The following NRXN1 variants were observed in gnomAD, a reference collection of about 807,000 sequenced individuals.
NRXN1 encodes the protein neurexin-1.
A neutral mutation model predicts 150.9 loss-of-function variants in NRXN1; 39 were observed. The ratio of observed to expected loss-of-function variants is 0.26; its 90% CI spans 0.20 to 0.34. NRXN1 has a LOEUF of 0.34. NRXN1 is among the 10% of genes least tolerant of loss of function. The probability of loss-of-function intolerance (pLI) is 1.00; values close to 1 mark genes in which losing one functional copy is unlikely to be tolerated. For missense variants in NRXN1, 1,815 were observed against 1,949.9 expected, an observed-to-expected ratio of 0.93 and a Z score of 1.30; for synonymous variants, 924 against 757.0, an observed-to-expected ratio of 1.22 and a Z score of -3.62.
chr2:50,221,710 G>C (rs1057051248), intron 18 of NRXN1, among the ~76,000 whole-genome samples: 1 of 151,826 alleles, frequency 6.6e-6, no homozygotes. Flanking sequence ...ACTCAACTAG[G>C]TACATCTTTT....
At chr2:50,748,373 G>T (rs948248097) in intron 5 of NRXN1, among the ~76,000 whole-genome samples, 1 of 152,184 alleles carries the variant, frequency 6.6e-6, no homozygotes, top group African/African-American at 2.4e-5. Flanking sequence ...ATAAAATGTC[G>T]ATTTGATTTT....
At position 51,012,572 on chromosome 2, in the gene NRXN1, C is replaced by T. The variant is rs563441634; in HGVS notation, c.772+14930G>A. On this transcript the variant is annotated intron_variant, in intron 2 of 22. Coordinates refer to ENST00000401669, the MANE Select transcript of NRXN1 (RefSeq NM_001330078.2). Reference sequence around the variant, plus strand: ...TATTTGGATGCCTGAATTGTTTAGACTTGTATTTAGGTTTCAAGCCCTTTA... The same window carrying T: ...TATTTGGATGCCTGAATTGTTTAGATTTGTATTTAGGTTTCAAGCCCTTTA... Among the ~76,000 whole-genome samples the T allele has an allele frequency of 5.1e-4, 77 of 152,102 alleles. No homozygotes were observed. The South Asian group carries it at 0.015, about 29-fold the overall frequency.
At chr2:50,355,593 T>C (rs2078741213) in intron 17 of NRXN1, among the ~76,000 whole-genome samples, 1 of 152,186 alleles carries the variant, frequency 6.6e-6, no homozygotes, top group Non-Finnish European at 1.5e-5. Context: ...TATCCCATGC[T>C]ATTCTCTCTG....
At chr2:50,030,151 T>C (rs1049773076) in intron 21 of NRXN1, among the ~76,000 whole-genome samples, 4 of 152,154 alleles carry the variant, frequency 2.6e-5, no homozygotes, top group African/African-American at 9.6e-5. Flanking sequence ...AATATTTATC[T>C]CAGCTTGACT....
chr2:50,703,725 G>A lies in NRXN1; in HGVS notation c.833-80110C>T, dbSNP rs1208148103. ...GAGGAACGGTTAACTATGAATTGATGTTTATTGTATGTTAGAATTTGAGCT... is the reference window on the plus strand; with the variant it reads ...GAGGAACGGTTAACTATGAATTGATATTTATTGTATGTTAGAATTTGAGCT... On this transcript the variant is annotated intron_variant, in intron 5 of 22. Transcript: ENST00000401669. 3.3e-5 allele frequency among the ~76,000 whole-genome samples: 5 copies of A among 152,220 alleles called. No homozygotes were observed. The East Asian group carries it at 5.8e-4, about 18-fold the overall frequency.
At chr2:50,593,021 C>A (rs1387868118) in intron 8 of NRXN1, among the ~76,000 whole-genome samples, 4 of 152,190 alleles carry the variant, frequency 2.6e-5, no homozygotes, top group Non-Finnish European at 5.9e-5. Flanking sequence ...CTGGCATAGG[C>A]CAAATGAACC....
intron 5 of NRXN1, among the ~76,000 whole-genome samples, chr2:50,640,189 C>T (rs1337175042): frequency 6.6e-6 from 1 of 152,058 alleles, no homozygotes; most frequent in Non-Finnish European, 1.5e-5. Flanking sequence ...TTAATTATCA[C>T]CATAAGACTT....
At chr2:50,579,279 C>T (rs778622227) in intron 8 of NRXN1, among the ~76,000 whole-genome samples, 6 of 152,102 alleles carry the variant, frequency 3.9e-5, no homozygotes, top group Non-Finnish European at 7.4e-5. Flanking sequence ...ACATTTTGTA[C>T]TTTTATTCTA....
At chr2:50,371,048 A>C (rs528625295) in intron 17 of NRXN1, among the ~76,000 whole-genome samples, 72 of 152,124 alleles carry the variant, frequency 4.7e-4, no homozygotes, top group African/African-American at 1.7e-3. Context: ...ATGCACATGC[A>C]TGATTGTATA....
intron 22 of NRXN1, among the ~76,000 whole-genome samples, chr2:49,940,369 C>G (rs1374078342): frequency 6.6e-6 from 1 of 152,138 alleles, no homozygotes; most frequent in Non-Finnish European, 1.5e-5. Flanking sequence ...GTATTTCTAA[C>G]ATCTAATAGC....
chr2:50,370,327 T>C (rs2079924902), intron 17 of NRXN1, among the ~76,000 whole-genome samples: 1 of 151,998 alleles, frequency 6.6e-6, no homozygotes, highest in Non-Finnish European at 1.5e-5. Context: ...TACATCACCC[T>C]GGACTTAGTG....
intron 5 of NRXN1, among the ~76,000 whole-genome samples, chr2:50,850,036 C>A (rs1446004875): frequency 6.6e-6 from 1 of 151,830 alleles, no homozygotes; most frequent in African/African-American, 2.4e-5. Context: ...TGAGACCTCA[C>A]TTCTACAAAA....
intron 17 of NRXN1, among the ~76,000 whole-genome samples, chr2:50,409,902 G>A (rs931583865): frequency 3.3e-5 from 5 of 151,988 alleles, no homozygotes; most frequent in Admixed American, 1.3e-4. Flanking sequence ...AATAATCATC[G>A]TTCCTTCATT....
chr2:50,498,861 G>A (rs1278935783), intron 13 of NRXN1, among the ~76,000 whole-genome samples: 1 of 152,128 alleles, frequency 6.6e-6, no homozygotes, highest in Non-Finnish European at 1.5e-5. Flanking sequence ...TCTTCCACGT[G>A]CTAGCTTCCC....
rs190283582 is a variant in NRXN1, at chr2:50,688,074, G to T, written c.833-64459C>A. On this transcript the variant is annotated intron_variant, in intron 5 of 22. Transcript: ENST00000401669. ...CCTTCTCCTTTATAGTAGAATGTTG[G>T]CTAGGTGAGATAGAGGTAATCTGGG... is the stretch of plus-strand genomic sequence containing the variant. Among the ~76,000 whole-genome samples, 16 of 152,272 alleles carry T rather than the reference G, an allele frequency of 1.1e-4. No individual in the cohort carries two copies. The East Asian group carries it at 2.9e-3, about 28-fold the overall frequency.
At chr2:50,328,879 G>A (rs1321497408) in intron 17 of NRXN1, among the ~76,000 whole-genome samples, 1 of 152,126 alleles carries the variant, frequency 6.6e-6, no homozygotes, top group Non-Finnish European at 1.5e-5. Flanking sequence ...ACCCAGAACT[G>A]CTTGGTCAAC....
chr2:50,924,845 T>G (rs1262963048), intron 3 of NRXN1, among the ~76,000 whole-genome samples: 1 of 151,752 alleles, frequency 6.6e-6, no homozygotes, highest in Non-Finnish European at 1.5e-5. Flanking sequence ...TGGTCAACTC[T>G]GTATTATCAT....
At chr2:50,808,925 T>C (rs1367351683) in intron 5 of NRXN1, among the ~76,000 whole-genome samples, 1 of 152,158 alleles carries the variant, frequency 6.6e-6, no homozygotes, top group Non-Finnish European at 1.5e-5. Flanking sequence ...CATACCATCC[T>C]GACTCATAAA....
chr2:49,953,344 T>A (rs1403267006), intron 21 of NRXN1, among the ~76,000 whole-genome samples: 3 of 152,128 alleles, frequency 2.0e-5, no homozygotes, highest in African/African-American at 7.2e-5. Context: ...TGATTGAGAA[T>A]AAACATTATC....
Sources: gnomAD v4.1 joint callset for allele counts (sites outside exome capture counted in the v4.1 genomes callset) on GRCh38, gnomAD v4.1.1 for gene constraint, MANE v1.5 for transcripts, NCBI Gene and HGNC (gene_info 2026-07-23, HGNC 2026-07-21) for gene names.